Variants in GPHN observed in about 807,000 individuals in gnomAD.
GPHN encodes gephyrin.
In GPHN, 17 loss-of-function variants were observed where a neutral mutation model predicts 95.5. The ratio of observed to expected loss-of-function variants is 0.18; its 90% CI spans 0.12 to 0.27. The LOEUF is 0.27. Ranked by LOEUF, GPHN falls within the 10% of genes least tolerant of loss-of-function variation. The pLI is 1.00. For synonymous variants in GPHN, 320 were observed against 322.5 expected, an observed-to-expected ratio of 0.99 and a Z score of 0.08; for missense variants, 660 against 978.1, an observed-to-expected ratio of 0.67 and a Z score of 4.34.
chr14:67,235,760 T>A, the GPHN span, among the ~76,000 whole-genome samples: 133 of 151,966 alleles, frequency 8.8e-4, 2 homozygotes, highest in African/African-American at 3.2e-3. Flanking sequence ...TCTTGACACA[T>A]CTCCAGACTG....
chr14:67,560,515 ACTAACTTCC>A, the GPHN span, among the ~76,000 whole-genome samples: 6 of 152,282 alleles, frequency 3.9e-5, no homozygotes, highest in South Asian at 4.1e-4. Flanking sequence ...CCTGCTAAAC[ACTAACTTCC>A]CATTCTCTCT....
chr14:67,042,951 C>T (rs1009070683), intron 10 of GPHN, among the ~76,000 whole-genome samples: 1 of 152,130 alleles, frequency 6.6e-6, no homozygotes, highest in African/African-American at 2.4e-5. Context: ...TTTCACATCC[C>T]TTGTAAGTCG....
the GPHN span, among the ~76,000 whole-genome samples, chr14:67,233,378 GCAAT>G: frequency 6.6e-6 from 1 of 152,122 alleles, no homozygotes; most frequent in African/African-American, 2.4e-5. Context: ...ATGAGTTCAG[GCAAT>G]CTGCCCACCT....
At chr14:67,498,979 T>TTTTA in the GPHN span, among the ~76,000 whole-genome samples, 25,916 of 146,486 alleles carry the variant, frequency 0.18, 2,466 homozygotes, top group Non-Finnish European at 0.2. Context: ...AAGGCAATGG[T>TTTTA]TTTATTTATT....
intron 2 of GPHN, among the ~76,000 whole-genome samples, chr14:66,687,988 G>T (rs1405435441): frequency 6.6e-6 from 1 of 152,096 alleles, no homozygotes; most frequent in African/African-American, 2.4e-5. Context: ...ACATTTAGGT[G>T]TAACTTTTGA....
chr14:66,874,066 C>A (rs1323087837), intron 4 of GPHN, among the ~76,000 whole-genome samples: 1 of 152,204 alleles, frequency 6.6e-6, no homozygotes, highest in Non-Finnish European at 1.5e-5. Context: ...GAATTGGCAG[C>A]AATCTTTGCT....
At chr14:66,768,767 C>G (rs2059054952) in intron 2 of GPHN, among the ~76,000 whole-genome samples, 1 of 151,726 alleles carries the variant, frequency 6.6e-6, no homozygotes, top group Non-Finnish European at 1.5e-5. Context: ...TACAGTAAAA[C>G]CATAGAAATA....
chr14:66,842,081 C>G (rs566125487), intron 4 of GPHN, among the ~76,000 whole-genome samples: 4 of 148,924 alleles, frequency 2.7e-5, no homozygotes, highest in African/African-American at 9.9e-5. Flanking sequence ...CCCCCAGCCC[C>G]GCCCAAAAAA....
the GPHN span, among the ~76,000 whole-genome samples, chr14:67,540,379 A>G: frequency 1.3e-5 from 2 of 152,154 alleles, no homozygotes; most frequent in Admixed American, 1.3e-4. Context: ...TAATCCCAGC[A>G]CTTTAAGAGA....
intron 4 of GPHN, among the ~76,000 whole-genome samples, chr14:66,865,208 C>T (rs2153523559): frequency 6.6e-6 from 1 of 151,792 alleles, no homozygotes; most frequent in East Asian, 1.9e-4. Context: ...TGACTGTAGT[C>T]AATAATAATT....
intron 1 of GPHN, among the ~76,000 whole-genome samples, chr14:66,668,767 C>T (rs1215052058): frequency 1.3e-5 from 2 of 152,160 alleles, no homozygotes; most frequent in African/African-American, 4.8e-5. Context: ...CCTTCACATC[C>T]TGCACTTGTA....
At chr14:67,127,254 A>T (rs927203302) in intron 17 of GPHN, among the ~76,000 whole-genome samples, 46 of 75,022 alleles carry the variant, frequency 6.1e-4, no homozygotes, top group African/African-American at 3.6e-3. Context: ...AAAGTATAAT[A>T]AAAAAAAAAA....
intron 2 of GPHN, among the ~76,000 whole-genome samples, chr14:66,714,111 G>C (rs906323442): frequency 8.5e-5 from 13 of 152,148 alleles, no homozygotes; most frequent in African/African-American, 2.9e-4. Flanking sequence ...CCATCCACGA[G>C]TGTGGGATGT....
chr14:67,397,227 C>A, the GPHN span, among the ~76,000 whole-genome samples: 2 of 152,226 alleles, frequency 1.3e-5, no homozygotes, highest in Non-Finnish European at 2.9e-5. Flanking sequence ...GCGTGAGCCA[C>A]CACGCCCAGC....
intron 4 of GPHN, among the ~76,000 whole-genome samples, chr14:66,849,642 G>C (rs1406343979): frequency 2.6e-5 from 4 of 151,856 alleles, no homozygotes; most frequent in African/African-American, 9.7e-5. Context: ...TATTTTTATT[G>C]GCATATTGTA....
intron 16 of GPHN, among the ~76,000 whole-genome samples, chr14:67,114,106 T>C (rs1305468717): frequency 6.6e-6 from 1 of 151,912 alleles, no homozygotes; most frequent in Non-Finnish European, 1.5e-5. Context: ...AGCAAAAGAA[T>C]AGACTGTTTT....
intron 2 of GPHN, among the ~76,000 whole-genome samples, chr14:66,751,965 A>G (rs924746520): frequency 2.6e-5 from 4 of 152,106 alleles, no homozygotes; most frequent in Non-Finnish European, 4.4e-5. Flanking sequence ...GATCTTAGCT[A>G]GATCTTCTGG....
At chr14:66,512,210 T>G (rs929826519) in intron 1 of GPHN, among the ~76,000 whole-genome samples, 2 of 151,886 alleles carry the variant, frequency 1.3e-5, no homozygotes, top group Non-Finnish European at 3.0e-5. Flanking sequence ...AAGTCAATCT[T>G]ACCAGTTACA....
At chr14:66,989,880 T>C (rs2071287611) in intron 9 of GPHN, among the ~76,000 whole-genome samples, 1 of 152,168 alleles carries the variant, frequency 6.6e-6, no homozygotes, top group Non-Finnish European at 1.5e-5. Flanking sequence ...AGGTTTTGTT[T>C]CTAAAATGAA....
Sources: allele counts gnomAD v4.1 joint callset (sites outside exome capture counted in the v4.1 genomes callset), GRCh38; gene constraint gnomAD v4.1.1; transcripts MANE v1.5; gene names NCBI Gene and HGNC (gene_info 2026-07-23, HGNC 2026-07-21).